Variants in MACROD2 observed in about 807,000 individuals in gnomAD.
MACROD2 encodes the protein ADP-ribose glycohydrolase MACROD2.
MACROD2 carries 36 observed loss-of-function variants against 70.4 expected under a neutral mutation model. The ratio of observed to expected loss-of-function variants is 0.51; its 90% CI spans 0.39 to 0.68. The LOEUF (loss-of-function observed/expected upper bound fraction) is 0.68. Among genes scored for constraint, MACROD2 ranks in the 30% least tolerant of loss-of-function variants. The pLI, the probability that MACROD2 is intolerant of heterozygous loss-of-function variation, is 0.00. For synonymous variants in MACROD2, 172 were observed against 178.8 expected, an observed-to-expected ratio of 0.96 and a Z score of 0.30; for missense variants, 496 against 538.4, an observed-to-expected ratio of 0.92 and a Z score of 0.78.
chr20:14,765,271 C>T (rs1250791202), intron 5 of MACROD2, among the ~76,000 whole-genome samples: 1 of 152,050 alleles, frequency 6.6e-6, no homozygotes, highest in Non-Finnish European at 1.5e-5. Context: ...TCCTTACTCT[C>T]TCTGAGGACA....
chr20:15,635,820 C>T (rs979137220), intron 8 of MACROD2, among the ~76,000 whole-genome samples: 5 of 151,788 alleles, frequency 3.3e-5, no homozygotes, highest in East Asian at 2.0e-4. Context: ...GTAATCCCAG[C>T]GCTTTGGGAG....
chr20:14,314,027 T>C (rs1812977422), intron 3 of MACROD2, among the ~76,000 whole-genome samples: 1 of 152,252 alleles, frequency 6.6e-6, no homozygotes, highest in African/African-American at 2.4e-5. Context: ...TATACACTGA[T>C]ACATTTTAGT....
intron 6 of MACROD2, among the ~76,000 whole-genome samples, chr20:15,350,359 T>C (rs1201989692): frequency 2.3e-4 from 35 of 152,198 alleles, no homozygotes; most frequent in Admixed American, 2.3e-3. Flanking sequence ...TATTTGACTT[T>C]CAATTGTGAT....
chr20:14,524,586 A>T (rs1312556176), intron 4 of MACROD2, among the ~76,000 whole-genome samples: 2 of 152,188 alleles, frequency 1.3e-5, no homozygotes, highest in Admixed American at 6.5e-5. Context: ...GAAGGACAGG[A>T]TAAAGGAAGG....
intron 4 of MACROD2, among the ~76,000 whole-genome samples, chr20:14,569,405 T>G (rs1980036173): frequency 6.6e-6 from 1 of 152,028 alleles, no homozygotes; most frequent in Non-Finnish European, 1.5e-5. Flanking sequence ...ATTGAGCCAT[T>G]ACTGAAAATG....
intron 2 of MACROD2, among the ~76,000 whole-genome samples, chr20:14,042,047 A>AT (rs1419189029): frequency 6.6e-6 from 1 of 152,230 alleles, no homozygotes; most frequent in Non-Finnish European, 1.5e-5. Flanking sequence ...TGGTACTGAA[A>AT]CAAGCAAAGC....
At chr20:14,204,015 T>A (rs1172801785) in intron 3 of MACROD2, among the ~76,000 whole-genome samples, 1 of 152,172 alleles carries the variant, frequency 6.6e-6, no homozygotes. Flanking sequence ...AGCTTAACCC[T>A]TGGGCCCCTG....
chr20:14,653,763 T>C (rs888131569), intron 4 of MACROD2, among the ~76,000 whole-genome samples: 1 of 152,184 alleles, frequency 6.6e-6, no homozygotes, highest in African/African-American at 2.4e-5. Flanking sequence ...TCCTTGCCTT[T>C]ATTCTGGCTG....
At chr20:15,619,533 C>A in intron 8 of MACROD2, 1 of 401,612 alleles carries the variant, frequency 2.5e-6, no homozygotes. Context: ...ATTTTCTGGG[C>A]AGATCCTGTG....
At chr20:14,087,753 T>C (rs2054096468) in intron 3 of MACROD2, among the ~76,000 whole-genome samples, 1 of 152,168 alleles carries the variant, frequency 6.6e-6, no homozygotes. Flanking sequence ...GGAAGTCCTC[T>C]CCTGTAGTTT....
intron 8 of MACROD2, among the ~76,000 whole-genome samples, chr20:15,610,961 C>G (rs1475595284): frequency 1.1e-5 from 1 of 88,360 alleles, no homozygotes; most frequent in African/African-American, 4.6e-5. Context: ...TCATCTTGTG[C>G]TTTTCTTTTT....
intron 5 of MACROD2, among the ~76,000 whole-genome samples, chr20:14,761,194 T>C (rs1206593299): frequency 6.6e-6 from 1 of 152,068 alleles, no homozygotes; most frequent in African/African-American, 2.4e-5. Flanking sequence ...CTTTGACATA[T>C]AGATATTTGG....
intron 5 of MACROD2, among the ~76,000 whole-genome samples, chr20:14,826,199 A>G (rs1443669366): frequency 6.6e-6 from 1 of 151,586 alleles, no homozygotes; most frequent in Non-Finnish European, 1.5e-5. Flanking sequence ...TACAACCACC[A>G]AACACTCAGA....
At chr20:14,238,285 T>G (rs1233290760) in intron 3 of MACROD2, among the ~76,000 whole-genome samples, 2 of 152,106 alleles carry the variant, frequency 1.3e-5, no homozygotes, top group East Asian at 1.9e-4. Context: ...TAAACAGAAC[T>G]CAAAAGAAAA....
At chr20:14,223,632 C>G (rs1336928143) in intron 3 of MACROD2, among the ~76,000 whole-genome samples, 1 of 151,640 alleles carries the variant, frequency 6.6e-6, no homozygotes, top group Non-Finnish European at 1.5e-5. Flanking sequence ...CTCAGCCTCC[C>G]AAGTAGCTGG....
chr20:14,988,308 G>C (rs2074867519), intron 5 of MACROD2, among the ~76,000 whole-genome samples: 1 of 137,690 alleles, frequency 7.3e-6, no homozygotes, highest in Non-Finnish European at 1.5e-5. Context: ...AGGCTACAGT[G>C]AGTAGAGATT....
Position 15,336,265 on chromosome 20 carries a change from G to T in MACROD2, c.541-95140G>T, listed in dbSNP as rs918711142. On this transcript the variant is annotated intron_variant, in intron 6 of 17. Coordinates refer to ENST00000684519, the MANE Select transcript of MACROD2 (RefSeq NM_001351661.2). ...TGCTTTTAGATGAAGCTCAGTAGGT[G>T]GAGGCTTAATAAACTGTTTTTTGGA... is the stretch of plus-strand genomic sequence containing the variant. Among the ~76,000 whole-genome samples, 5 of 151,358 alleles carry T rather than the reference G, an allele frequency of 3.3e-5. No homozygotes were observed. The East Asian group carries it at 9.7e-4, about 29-fold the overall frequency.
At chr20:15,913,759 T>A (rs1555794207) in intron 10 of MACROD2, among the ~76,000 whole-genome samples, 1 of 152,128 alleles carries the variant, frequency 6.6e-6, no homozygotes, top group Non-Finnish European at 1.5e-5. Context: ...CAGTGTGTTA[T>A]AAAAAAATAT....
At chr20:14,598,506 G>A (rs942844486) in intron 4 of MACROD2, among the ~76,000 whole-genome samples, 5 of 152,018 alleles carry the variant, frequency 3.3e-5, no homozygotes, top group African/African-American at 1.2e-4. Flanking sequence ...CTCGTAATAT[G>A]ATTTTTTATG....
Sources: allele counts gnomAD v4.1 joint callset (sites outside exome capture counted in the v4.1 genomes callset), GRCh38; gene constraint gnomAD v4.1.1; transcripts MANE v1.5; gene names NCBI Gene and HGNC (gene_info 2026-07-23, HGNC 2026-07-21).